CACNA2D1: variants seen among roughly 807,000 people sequenced by gnomAD.
CACNA2D1 encodes calcium voltage-gated channel auxiliary subunit alpha2delta 1, also known as voltage-dependent calcium channel subunit alpha-2/delta-1.
In CACNA2D1, 53 loss-of-function variants were observed where a neutral mutation model predicts 171.5. The observed-to-expected ratio is 0.31, with a 90% CI of 0.25 to 0.39. The LOEUF (loss-of-function observed/expected upper bound fraction) is 0.39, where lower values mean the gene tolerates loss of function less well. Ranked by LOEUF, CACNA2D1 falls within the 10% of genes least tolerant of loss-of-function variation. The pLI is 1.00. For synonymous variants in CACNA2D1, 442 were observed against 443.1 expected, an observed-to-expected ratio of 1.00 and a Z score of 0.03; for missense variants, 903 against 1,299.8, an observed-to-expected ratio of 0.69 and a Z score of 4.69.
intron 6 of CACNA2D1, among the ~76,000 whole-genome samples, chr7:82,096,248 CAT>C (rs1811845929): frequency 6.6e-6 from 1 of 152,112 alleles, no homozygotes; most frequent in African/African-American, 2.4e-5. Context: ...TTAGACAACA[CAT>C]AAACAAATGG....
intron 3 of CACNA2D1, among the ~76,000 whole-genome samples, chr7:82,309,388 A>G (rs1474428377): frequency 6.6e-6 from 1 of 152,042 alleles, no homozygotes; most frequent in African/African-American, 2.4e-5. Context: ...CCTAGGTGAC[A>G]AGAGTGAAAC....
chr7:81,977,958 T>C (rs1033009733), intron 24 of CACNA2D1, among the ~76,000 whole-genome samples: 1 of 152,130 alleles, frequency 6.6e-6, no homozygotes, highest in Non-Finnish European at 1.5e-5. Flanking sequence ...AAATAAGACA[T>C]TTATGCGGCC....
intron 4 of CACNA2D1, among the ~76,000 whole-genome samples, chr7:82,150,908 A>G (rs183651987): frequency 4.9e-4 from 74 of 152,286 alleles, no homozygotes; most frequent in Middle Eastern, 3.4e-3. Context: ...TGAATAATAT[A>G]TAATTGCTTG....
intron 3 of CACNA2D1, among the ~76,000 whole-genome samples, chr7:82,235,758 C>T (rs967526559): frequency 1.3e-5 from 2 of 152,062 alleles, no homozygotes; most frequent in South Asian, 4.2e-4. Context: ...TCTAACTACT[C>T]TGGTGGTTGG....
At chr7:82,359,857 A>G (rs775973707) in intron 1 of CACNA2D1, among the ~76,000 whole-genome samples, 2 of 152,212 alleles carry the variant, frequency 1.3e-5, no homozygotes, top group Admixed American at 6.5e-5. Flanking sequence ...CTTAAAAAAC[A>G]ACAGGTAATA....
intron 3 of CACNA2D1, among the ~76,000 whole-genome samples, chr7:82,273,135 C>T (rs1171164807): frequency 6.6e-6 from 1 of 151,966 alleles, no homozygotes; most frequent in Non-Finnish European, 1.5e-5. Flanking sequence ...ACTTCGTTGC[C>T]TAAAAAATAA....
chr7:82,194,020 A>G (rs1798605097), intron 3 of CACNA2D1, among the ~76,000 whole-genome samples: 1 of 152,038 alleles, frequency 6.6e-6, no homozygotes, highest in South Asian at 2.1e-4. Flanking sequence ...TTATAAGGCT[A>G]CATTGTTGTT....
At chr7:82,371,783 C>T (rs145176782) in intron 1 of CACNA2D1, among the ~76,000 whole-genome samples, 13 of 152,100 alleles carry the variant, frequency 8.5e-5, no homozygotes, top group Non-Finnish European at 1.8e-4. Flanking sequence ...ACCATGTTGA[C>T]GAGGTTGGTC....
At chr7:82,267,094 C>T (rs1316878864) in intron 3 of CACNA2D1, among the ~76,000 whole-genome samples, 2 of 152,062 alleles carry the variant, frequency 1.3e-5, no homozygotes, top group African/African-American at 4.8e-5. Context: ...CAGAATATAG[C>T]CTTCTTAAAA....
chr7:82,402,831 G>C (rs1826591556), intron 1 of CACNA2D1, among the ~76,000 whole-genome samples: 1 of 151,608 alleles, frequency 6.6e-6, no homozygotes, highest in Admixed American at 6.6e-5. Flanking sequence ...ATGATCAGAA[G>C]TTACGGGTTT....
rs1407997163 is a variant in CACNA2D1 at position 82,014,423 on chromosome 7, C to T, written c.1200G>A (p.Gln400=). 2 of 1,592,138 alleles carry T rather than the reference C, an allele frequency of 1.3e-6. No individual in the cohort carries two copies. Among genetic ancestry groups the T allele is most frequent in the Non-Finnish European group, 1.7e-6 (2 of 1,160,030 alleles). ...GQHNYDRGPI[Q]WMACENKGYY... Reference sequence around the variant, plus strand: ...TACCTTTGTTTTCACAGGCCATCCACTGAATAGGTCCTCTGTCATAATTGT... The same window carrying T: ...TACCTTTGTTTTCACAGGCCATCCATTGAATAGGTCCTCTGTCATAATTGT... The change falls in exon 13 of 39, where the codon CAG becomes CAA. Residue 400 remains glutamine (Q), a synonymous_variant. Transcript: ENST00000356860.
At chr7:82,157,025 G>A (rs556355690) in intron 4 of CACNA2D1, among the ~76,000 whole-genome samples, 2 of 152,210 alleles carry the variant, frequency 1.3e-5, no homozygotes, top group South Asian at 4.1e-4. Flanking sequence ...GCTGTTGGAG[G>A]ATACGGCTCC....
intron 3 of CACNA2D1, among the ~76,000 whole-genome samples, chr7:82,221,357 T>C (rs913574170): frequency 6.6e-6 from 1 of 152,194 alleles, no homozygotes; most frequent in Non-Finnish European, 1.5e-5. Context: ...AAAAATATGA[T>C]GACTCAGGAC....
At chr7:82,296,761 T>C (rs1191156592) in intron 3 of CACNA2D1, among the ~76,000 whole-genome samples, 3 of 152,104 alleles carry the variant, frequency 2.0e-5, no homozygotes, top group Non-Finnish European at 4.4e-5. Flanking sequence ...CATATGTAGG[T>C]GAATATGAAT....
At chr7:82,244,885 A>G (rs1804721908) in intron 3 of CACNA2D1, among the ~76,000 whole-genome samples, 1 of 152,152 alleles carries the variant, frequency 6.6e-6, no homozygotes. Flanking sequence ...ATCTTTCCCT[A>G]ACAGTCCCAA....
chr7:82,335,056 AC>A (rs1166317525), intron 3 of CACNA2D1, 78 bp downstream of exon 3: 1 of 924,390 alleles, frequency 1.1e-6, no homozygotes, highest in Admixed American at 1.7e-5. Context: ...GCATACCAAA[AC>A]CCCTCAATAG....
intron 3 of CACNA2D1, among the ~76,000 whole-genome samples, chr7:82,317,516 TAAG>T (rs1230856051): frequency 6.6e-6 from 1 of 152,120 alleles, no homozygotes; most frequent in Non-Finnish European, 1.5e-5. Context: ...CTAAAATACT[TAAG>T]GAGGAGCAGC....
rs566349585 is a variant in CACNA2D1 at position 82,374,195 on chromosome 7, A to G, written c.96-24546T>C. Among the ~76,000 whole-genome samples, 3 of 152,338 alleles carry G rather than the reference A, an allele frequency of 2.0e-5. No individual in the cohort carries two copies. In the East Asian group the frequency reaches 5.8e-4, roughly 29 times the overall value. The stretch of plus-strand genomic sequence containing the variant: ...AACACAATGCCTGTCAAAGTGTTTC[A>G]TGTATGTTAAAAAGACAGGTAATTT... On this transcript the variant is annotated intron_variant, in intron 1 of 38. Coordinates refer to ENST00000356860, the MANE Select transcript of CACNA2D1 (RefSeq NM_000722.4).
At position 81,959,881 on chromosome 7, in the gene CACNA2D1, T is replaced by G. The variant is rs770167486; in HGVS notation, c.2967-52A>C. 1.1e-5 allele frequency: 17 copies of G among 1,576,730 alleles called. No individual in the cohort carries two copies. In the African/African-American group the frequency reaches 1.5e-4, roughly 14 times the overall value. ...AAATGAGTATCTTTTCCAAAATAAA[T>G]GGAAATCTTTCAAAGATTCTTACAT... On this transcript the variant is annotated intron_variant, in intron 36 of 38. Coordinates refer to ENST00000356860, the MANE Select transcript of CACNA2D1 (RefSeq NM_000722.4).
Sources: allele counts gnomAD v4.1 joint callset (sites outside exome capture counted in the v4.1 genomes callset), GRCh38; gene constraint gnomAD v4.1.1; transcripts MANE v1.5; gene names NCBI Gene and HGNC (gene_info 2026-07-23, HGNC 2026-07-21).